CDH18: variants seen among roughly 807,000 people sequenced by gnomAD.
The protein encoded by CDH18 is cadherin-18.
A neutral mutation model predicts 67.9 loss-of-function variants in CDH18; 31 were observed. That is an observed-to-expected ratio of 0.46 (90% confidence interval 0.34 to 0.62). The LOEUF (loss-of-function observed/expected upper bound fraction) is 0.62, where lower values mean the gene tolerates loss of function less well. Ranked by LOEUF, CDH18 falls within the 20% of genes least tolerant of loss-of-function variation. The pLI, the probability that CDH18 is intolerant of heterozygous loss-of-function variation, is 0.01. For missense variants in CDH18, 890 were observed against 975.5 expected, an observed-to-expected ratio of 0.91 and a Z score of 1.17; for synonymous variants, 362 against 347.2, an observed-to-expected ratio of 1.04 and a Z score of -0.48.
chr5:19,960,586 T>TATATATATATATACACACAC lies in CDH18; in HGVS notation c.-257+20473_-257+20474insGTGTGTGTATATATATATAT, dbSNP rs1357426735. Among the ~76,000 whole-genome samples, 68 of 132,746 alleles carry TATATATATATATACACACAC rather than the reference T, an allele frequency of 5.1e-4. 1 individual carries two copies. The highest frequency in any genetic ancestry group is 3.7e-3 in the Middle Eastern group (1 of 272). 87.1% of individuals were successfully genotyped at this position (132,746 alleles called of 152,430 possible). The stretch of plus-strand genomic sequence containing the variant: ...ATGTGTGTGTGTGTGTGTGTGTGTG[T>TATATATATATATACACACAC]GTGTATATATATATATACACACACG... On this transcript the variant is annotated intron_variant, in intron 2 of 12. Coordinates refer to ENST00000382275, the MANE Select transcript of CDH18 (RefSeq NM_004934.5).
intron 1 of CDH18, among the ~76,000 whole-genome samples, chr5:20,406,590 C>A (rs540253937): frequency 1.3e-5 from 2 of 151,262 alleles, no homozygotes; most frequent in African/African-American, 4.9e-5. Flanking sequence ...AAAAAAAGTC[C>A]TGTAGAAAAT....
chr5:19,536,351 A>T (rs1214036272), intron 9 of CDH18, among the ~76,000 whole-genome samples: 1 of 152,250 alleles, frequency 6.6e-6, no homozygotes, highest in Non-Finnish European at 1.5e-5. Flanking sequence ...TTTGGAAAGC[A>T]GAGCAAAATG....
At chr5:19,870,748 T>A (rs183108064) in intron 2 of CDH18, among the ~76,000 whole-genome samples, 1 of 152,270 alleles carries the variant, frequency 6.6e-6, no homozygotes, top group Non-Finnish European at 1.5e-5. Flanking sequence ...ATGGTGGAGA[T>A]TAGATGCTAC....
intron 6 of CDH18, among the ~76,000 whole-genome samples, chr5:19,611,524 T>G (rs1307172639): frequency 6.6e-6 from 1 of 152,122 alleles, no homozygotes; most frequent in Admixed American, 6.6e-5. Flanking sequence ...CCACAGTGTC[T>G]AGGCCTGAGG....
chr5:20,459,846 C>T (rs1171213849), intron 1 of CDH18, among the ~76,000 whole-genome samples: 1 of 152,138 alleles, frequency 6.6e-6, no homozygotes, highest in African/African-American at 2.4e-5. Flanking sequence ...TCAGCTTTAA[C>T]AAATTTCCAA....
chr5:19,696,748 G>A (rs1012569640), intron 5 of CDH18, among the ~76,000 whole-genome samples: 2 of 152,086 alleles, frequency 1.3e-5, no homozygotes, highest in African/African-American at 4.8e-5. Context: ...TCTATGATGA[G>A]AGTACGGGAA....
intron 2 of CDH18, among the ~76,000 whole-genome samples, chr5:20,242,080 T>C (rs1742972122): frequency 6.6e-6 from 1 of 151,494 alleles, no homozygotes; most frequent in Non-Finnish European, 1.5e-5. Context: ...AAGTTTTGGT[T>C]GGATGAGTTT....
intron 1 of CDH18, among the ~76,000 whole-genome samples, chr5:20,313,537 T>C (rs1262218391): frequency 6.6e-6 from 1 of 152,094 alleles, no homozygotes; most frequent in Non-Finnish European, 1.5e-5. Context: ...TTATTGAAGA[T>C]TAGATTTGTG....
rs1276048719 is a variant in CDH18, at chr5:19,483,307, G to T, written c.1876C>A (p.Leu626Ile). The change falls in exon 12 of 13, where the codon CTC becomes ATC. Residue 626 changes from leucine (L) to isoleucine (I), a missense_variant. Physicochemically the swap from Leu to Ile is conservative, Grantham distance 5. This residue lies in a region of CDH18 where 656 missense variants were observed against 668.1 expected (regional missense o/e 0.98). Transcript: ENST00000382275. ...LIAILLCVLI[L>I]LAIVVLFITL... Reference sequence around the variant, plus strand: ...AGGGTTTAGAATGACTTACCCAGGAGAATGAGAACACAGAGAAGAATAGCG... The same window carrying T: ...AGGGTTTAGAATGACTTACCCAGGATAATGAGAACACAGAGAAGAATAGCG... 1 of 1,612,572 alleles carries T rather than the reference G, an allele frequency of 6.2e-7. No homozygotes were observed. The highest frequency in any genetic ancestry group is 8.5e-7 in the Non-Finnish European group (1 of 1,179,192).
chr5:19,993,130 G>C (rs1049848856), upstream of CDH18, among the ~76,000 whole-genome samples: 2 of 152,058 alleles, frequency 1.3e-5, no homozygotes, highest in Admixed American at 1.3e-4. Flanking sequence ...TTTCATAAAG[G>C]ATCTTGAAAA....
rs762545871 is a variant in CDH18 at position 19,473,192 on chromosome 5, A to C, written c.*34T>G. ...GAGGTTGTATATCCACTTACTCAGG[A>C]AGCAAATTCCACAAGGTTGCAAGAA... On this transcript the variant is annotated 3_prime_UTR_variant, in exon 13 of 13. Coordinates refer to ENST00000382275, the MANE Select transcript of CDH18 (RefSeq NM_004934.5). 4 of 1,597,866 alleles carry C rather than the reference A, an allele frequency of 2.5e-6. No homozygotes were observed. Among genetic ancestry groups the C allele is most frequent in the East Asian group, 4.5e-5 (2 of 44,714 alleles).
chr5:19,805,997 T>A (rs1004913617), intron 3 of CDH18, among the ~76,000 whole-genome samples: 2 of 152,126 alleles, frequency 1.3e-5, no homozygotes, highest in African/African-American at 4.8e-5. Flanking sequence ...CCCATCCACG[T>A]TCTCTGGCAT....
At chr5:20,066,363 T>C (rs2150517167) in intron 2 of CDH18, among the ~76,000 whole-genome samples, 1 of 152,196 alleles carries the variant, frequency 6.6e-6, no homozygotes, top group Admixed American at 6.5e-5. Flanking sequence ...TACCTAATAA[T>C]CTCAATAAAA....
At chr5:20,188,570 C>T (rs1007382960) in intron 2 of CDH18, among the ~76,000 whole-genome samples, 3 of 151,828 alleles carry the variant, frequency 2.0e-5, no homozygotes, top group Non-Finnish European at 2.9e-5. Context: ...TTTATGTACT[C>T]CTATGAGAAA....
chr5:19,735,320 A>G (rs1768157433), intron 4 of CDH18, among the ~76,000 whole-genome samples: 1 of 151,852 alleles, frequency 6.6e-6, no homozygotes, highest in Non-Finnish European at 1.5e-5. Flanking sequence ...TGCTGCTCTT[A>G]TATCTCTTTG....
At chr5:20,565,188 GAT>G (rs1313106481) in intron 1 of CDH18, among the ~76,000 whole-genome samples, 1 of 152,122 alleles carries the variant, frequency 6.6e-6, no homozygotes, top group Admixed American at 6.6e-5. Flanking sequence ...AGTTGTTTCA[GAT>G]ATATGTGAAC....
intron 5 of CDH18, among the ~76,000 whole-genome samples, chr5:19,721,128 A>G (rs545641367): frequency 2.0e-4 from 31 of 152,334 alleles, no homozygotes; most frequent in Non-Finnish European, 3.8e-4. Context: ...TTGCACGGGT[A>G]TAAATAATGG....
Position 19,780,241 on chromosome 5 carries a change from T to C in CDH18, c.229-33005A>G, listed in dbSNP as rs560810028. On this transcript the variant is annotated intron_variant, in intron 3 of 12. Coordinates refer to ENST00000382275, the MANE Select transcript of CDH18 (RefSeq NM_004934.5). ...TCATTTAACTAAACACGGTTATGGA[T>C]ACAAACTTACCTGCTGTATTAGATC... Among the ~76,000 whole-genome samples, 7 of 152,138 alleles carry C rather than the reference T, an allele frequency of 4.6e-5. No homozygotes were observed. In the South Asian group the frequency reaches 1.0e-3, roughly 22 times the overall value.
At chr5:19,962,560 G>C (rs1797028949) in intron 2 of CDH18, among the ~76,000 whole-genome samples, 2 of 151,850 alleles carry the variant, frequency 1.3e-5, no homozygotes, top group African/African-American at 4.8e-5. Context: ...GATCACTTGA[G>C]ATCAGGAGTA....
Sources: gnomAD v4.1 joint callset for allele counts (sites outside exome capture counted in the v4.1 genomes callset) on GRCh38, gnomAD v4.1.1 for gene constraint, gnomAD v4.1.1 regional missense constraint, MANE v1.5 for transcripts, NCBI Gene and HGNC (gene_info 2026-07-23, HGNC 2026-07-21) for gene names.